Variants in TRHDE observed in about 807,000 individuals in gnomAD.
TRHDE encodes the protein thyrotropin releasing hormone degrading enzyme.
In TRHDE, 72 loss-of-function variants were observed where a neutral mutation model predicts 125.7. The observed-to-expected ratio is 0.57, with a 90% CI of 0.47 to 0.70. TRHDE has a LOEUF of 0.70. Ranked by LOEUF, TRHDE falls within the 30% of genes least tolerant of loss-of-function variation. The pLI, the probability that TRHDE is intolerant of heterozygous loss-of-function variation, is 0.00. For synonymous variants in TRHDE, 509 were observed against 509.1 expected (o/e 1.00, Z 0.00); for missense variants, 1,110 against 1,327.1 (o/e 0.84, Z 2.54).
intron 3 of TRHDE, among the ~76,000 whole-genome samples, chr12:72,443,685 A>G (rs1875133970): frequency 2.0e-5 from 3 of 151,766 alleles, no homozygotes; most frequent in Non-Finnish European, 4.4e-5. Flanking sequence ...CAATATGGTC[A>G]GGAAGATAGG....
At chr12:72,290,711 C>G (rs1880054812) in intron 2 of TRHDE, among the ~76,000 whole-genome samples, 2 of 152,138 alleles carry the variant, frequency 1.3e-5, no homozygotes, top group African/African-American at 4.8e-5. Flanking sequence ...GGCTGTCAGC[C>G]ATATATCCAC....
intron 2 of TRHDE, among the ~76,000 whole-genome samples, chr12:72,197,221 T>C (rs1446848196): frequency 1.3e-5 from 2 of 152,064 alleles, no homozygotes; most frequent in African/African-American, 4.8e-5. Context: ...CATGGCGTGT[T>C]TCCTCACTTC....
intron 2 of TRHDE, among the ~76,000 whole-genome samples, chr12:72,333,595 A>T (rs1445521054): frequency 3.9e-5 from 6 of 152,252 alleles, no homozygotes; most frequent in Non-Finnish European, 8.8e-5. Flanking sequence ...AGAAATTCAC[A>T]AACCTCAATG....
At chr12:72,245,724 T>G (rs1280745746) in intron 2 of TRHDE, among the ~76,000 whole-genome samples, 1 of 152,108 alleles carries the variant, frequency 6.6e-6, no homozygotes, top group African/African-American at 2.4e-5. Context: ...TTAAGGAGTT[T>G]ATATGTGCAT....
At chr12:72,475,919 G>GTTTTT (rs1212545804) in intron 5 of TRHDE, among the ~76,000 whole-genome samples, 5 of 151,660 alleles carry the variant, frequency 3.3e-5, no homozygotes, top group African/African-American at 4.8e-5. Flanking sequence ...TTTTGTTTTT[G>GTTTTT]TTTTTGTGTT....
intron 1 of TRHDE, among the ~76,000 whole-genome samples, chr12:72,100,097 A>G (rs1240438794): frequency 1.3e-5 from 2 of 152,150 alleles, no homozygotes; most frequent in Admixed American, 6.5e-5. Context: ...TAGGAAATCT[A>G]TCTTTAAAGT....
At chr12:72,325,294 C>T (rs1869289111) in intron 2 of TRHDE, among the ~76,000 whole-genome samples, 1 of 151,978 alleles carries the variant, frequency 6.6e-6, no homozygotes, top group East Asian at 1.9e-4. Context: ...CTCACATAGC[C>T]ACCATTCTTT....
At chr12:72,435,400 T>C (rs1874693031) in intron 3 of TRHDE, among the ~76,000 whole-genome samples, 1 of 152,176 alleles carries the variant, frequency 6.6e-6, no homozygotes, top group Non-Finnish European at 1.5e-5. Context: ...GCTTGAGAGC[T>C]CCCTGTGTTG....
chr12:72,582,067 A>C (rs1871257199), intron 12 of TRHDE, among the ~76,000 whole-genome samples: 2 of 134,448 alleles, frequency 1.5e-5, no homozygotes, highest in South Asian at 2.3e-4. Flanking sequence ...GTGCCACTGC[A>C]CTCCAGCCTG....
intron 3 of TRHDE, chr12:72,432,205 A>G (rs921537008): frequency 1.3e-5 from 2 of 152,180 alleles, no homozygotes; most frequent in Non-Finnish European, 2.9e-5. Flanking sequence ...GACAGATGAA[A>G]TGAGTACTCA....
rs71071820 is a variant in TRHDE at position 72,238,275 on chromosome 12, AATAT to A, written n.279+132567_279+132570del. ...AGTGGTCAGAAGTGGTCAGATCCTT[AATAT>A]ATATATATATATATATATATATATA... On this transcript the variant is annotated intron_variant and non_coding_transcript_variant, in intron 2 of 4. Coordinates refer to the TRHDE transcript ENST00000548156. Among the ~76,000 whole-genome samples the A allele has an allele frequency of 8.3e-3, 316 of 38,094 alleles. 3 individuals are homozygous for A. Among genetic ancestry groups the A allele is most frequent in the South Asian group, 0.011 (13 of 1,214 alleles). The allele number at this position is 38,094 out of a possible 152,430, so 25.0% of individuals were successfully genotyped here.
chr12:72,258,335 G>A (rs1391576112), intron 2 of TRHDE: 2 of 152,156 alleles, frequency 1.3e-5, no homozygotes, highest in Non-Finnish European at 2.9e-5. Context: ...CCTACAGGAT[G>A]CCAACAGAGT....
intron 7 of TRHDE, among the ~76,000 whole-genome samples, chr12:72,555,765 T>G (rs1032183329): frequency 6.6e-6 from 1 of 152,152 alleles, no homozygotes; most frequent in African/African-American, 2.4e-5. Context: ...TCAAATGGGT[T>G]TTATTCAACT....
intron 3 of TRHDE, chr12:72,431,814 A>G (rs1874497421): frequency 6.5e-6 from 1 of 152,742 alleles, no homozygotes; most frequent in Non-Finnish European, 1.5e-5. Context: ...ACTTCCTGCA[A>G]AGCTCCAATA....
At chr12:72,181,269 C>T (rs539953330) in intron 2 of TRHDE, among the ~76,000 whole-genome samples, 21 of 152,112 alleles carry the variant, frequency 1.4e-4, no homozygotes, top group South Asian at 2.1e-4. Flanking sequence ...ATGCTTTCTA[C>T]GCAGAGAAGC....
chr12:72,477,533 A>G (rs568950390), intron 5 of TRHDE, among the ~76,000 whole-genome samples: 2 of 152,284 alleles, frequency 1.3e-5, no homozygotes, highest in Middle Eastern at 3.4e-3. Flanking sequence ...TTTTTGCTTG[A>G]TGTTATTTTA....
intron 6 of TRHDE, among the ~76,000 whole-genome samples, chr12:72,517,585 CA>C (rs1592505620): frequency 6.6e-6 from 1 of 151,978 alleles, no homozygotes; most frequent in African/African-American, 2.4e-5. Context: ...TTGATCCTTT[CA>C]AAAAACCAGC....
intron 1 of TRHDE, among the ~76,000 whole-genome samples, chr12:72,280,777 C>G (rs1348305143): frequency 6.6e-6 from 1 of 152,096 alleles, no homozygotes; most frequent in African/African-American, 2.4e-5. Context: ...GGTACCAGTA[C>G]AGCAAGAAGA....
intron 5 of TRHDE, among the ~76,000 whole-genome samples, chr12:72,498,710 C>G (rs1451820735): frequency 5.3e-5 from 8 of 152,012 alleles, no homozygotes; most frequent in Admixed American, 4.6e-4. Context: ...AGTACTTTTT[C>G]CTTAGTTTAT....
Sources: allele counts gnomAD v4.1 joint callset (sites outside exome capture counted in the v4.1 genomes callset), GRCh38; gene constraint gnomAD v4.1.1; transcripts MANE v1.5; gene names NCBI Gene and HGNC (gene_info 2026-07-23, HGNC 2026-07-21).